Variants in DENND2B observed in about 807,000 individuals in gnomAD.
DENND2B encodes DENN domain containing 2B.
Under a neutral mutation model 116.0 loss-of-function variants are expected in DENND2B, and 32 were observed. That is an observed-to-expected ratio of 0.28 (90% confidence interval 0.21 to 0.37). DENND2B has a LOEUF of 0.37. Ranked by LOEUF, DENND2B falls within the 10% of genes least tolerant of loss-of-function variation. The pLI is 1.00. For missense variants in DENND2B, 1,276 were observed against 1,477.7 expected, an observed-to-expected ratio of 0.86 and a Z score of 2.24; for synonymous variants, 588 against 583.9, an observed-to-expected ratio of 1.01 and a Z score of -0.10.
chr11:8,800,585 T>C (rs1017818421), intron 1 of DENND2B, among the ~76,000 whole-genome samples: 1 of 152,136 alleles, frequency 6.6e-6, no homozygotes, highest in African/African-American at 2.4e-5. Flanking sequence ...AAGAGAAAAT[T>C]TGTGAAGCCT....
At chr11:8,733,464 A>G (rs1460696902) in intron 2 of DENND2B, among the ~76,000 whole-genome samples, 1 of 152,242 alleles carries the variant, frequency 6.6e-6, no homozygotes, top group Non-Finnish European at 1.5e-5. Context: ...TCTAGGTGCT[A>G]GATACAAGAA....
At position 8,707,067 on chromosome 11, in the gene DENND2B, G is replaced by A; in HGVS notation, c.2571+18C>T. The stretch of plus-strand genomic sequence containing the variant: ...CCCCAGCCCGTAGCCCGAGAGAAGA[G>A]GGTGCAGAAATCCCTACCTCATTGC... On this transcript the variant is annotated intron_variant, in intron 13 of 19. Transcript: ENST00000313726. This position sits in a 1 kb window ranked among gnomAD's most constrained non-coding sequence, Gnocchi z 4.8. The A allele has an allele frequency of 1.9e-6, 3 of 1,607,618 alleles. No individual in the cohort carries two copies. The highest frequency in any genetic ancestry group is 1.7e-4 in the Middle Eastern group (1 of 6,026).
At chr11:8,765,835 C>T (rs2055639065) in intron 1 of DENND2B, among the ~76,000 whole-genome samples, 1 of 151,952 alleles carries the variant, frequency 6.6e-6, no homozygotes, top group Admixed American at 6.6e-5. Flanking sequence ...GTCAGGAGTT[C>T]GAGACCAGCC....
rs1251956235 is a variant in DENND2B, at chr11:8,696,601, G to T, written c.3118C>A (p.His1040Asn). ...FIRFFVETVG[H>N]YSLFLTQSEK... ...CTCTGTGTCAGAAAGAGGGAGTAGT[G>T]CCCAACGGTCTCCACAAAGAACCGG... The change falls in exon 18 of 20, where the codon CAC (histidine) becomes AAC (asparagine). Residue 1040 changes from histidine (H) to asparagine (N), a missense_variant. Coordinates refer to ENST00000313726, the MANE Select transcript of DENND2B (RefSeq NM_213618.2). 6.2e-7 allele frequency: 1 copy of T among 1,614,110 alleles called. No homozygotes were observed. Among genetic ancestry groups the T allele is most frequent in the Admixed American group, 1.7e-5 (1 of 60,022 alleles).
chr11:8,805,911 G>A (rs910352756), intron 1 of DENND2B, among the ~76,000 whole-genome samples: 1 of 152,138 alleles, frequency 6.6e-6, no homozygotes, highest in Non-Finnish European at 1.5e-5. Flanking sequence ...GGGCACCAGA[G>A]ACACCTCTGA....
At chr11:8,791,952 C>G (rs1388636732) in intron 1 of DENND2B, among the ~76,000 whole-genome samples, 1 of 151,500 alleles carries the variant, frequency 6.6e-6, no homozygotes, top group African/African-American at 2.4e-5. Flanking sequence ...TGCCTGTAAT[C>G]CCAGCACTTT....
At chr11:8,882,816 T>C (rs1440975478) in intron 1 of DENND2B, among the ~76,000 whole-genome samples, 1 of 152,124 alleles carries the variant, frequency 6.6e-6, no homozygotes. Flanking sequence ...AGCAGGGCCC[T>C]GTCTCTAGAA....
intron 1 of DENND2B, among the ~76,000 whole-genome samples, chr11:8,781,122 T>G (rs184182407): frequency 1.3e-5 from 2 of 152,206 alleles, no homozygotes; most frequent in East Asian, 3.9e-4. Flanking sequence ...TCCTTAGAGT[T>G]GGAAGGATGG....
intron 1 of DENND2B, among the ~76,000 whole-genome samples, chr11:8,900,017 A>C (rs1015302513): frequency 6.6e-6 from 1 of 152,168 alleles, no homozygotes; most frequent in African/African-American, 2.4e-5. Flanking sequence ...GTGGCCAGGC[A>C]TGGTGGCTCA....
Position 8,852,311 on chromosome 11 carries a change from C to T in DENND2B, c.-156+5032G>A, listed in dbSNP as rs2063036609. 2.6e-5 allele frequency among the ~76,000 whole-genome samples: 4 copies of T among 152,156 alleles called. No individual in the cohort carries two copies. The South Asian group carries it at 8.3e-4, about 32-fold the overall frequency. The stretch of plus-strand genomic sequence containing the variant: ...CTGTCAAAGAAGAATCAATAAAGAG[C>T]TTTCGTGGTTCATTAATATGGGGAT... On this transcript the variant is annotated intron_variant, in intron 3 of 6. Transcript: ENST00000524757.
At chr11:8,725,122 T>C (rs2046862538) in intron 4 of DENND2B, among the ~76,000 whole-genome samples, 1 of 152,222 alleles carries the variant, frequency 6.6e-6, no homozygotes, top group South Asian at 2.1e-4. Flanking sequence ...TGTTAGCTTG[T>C]ACAATAGACT....
At position 8,701,344 on chromosome 11, in the gene DENND2B, C is replaced by CAGGGGG. The variant is rs1491336392; in HGVS notation, c.2720+1227_2720+1228insCCCCCT. Among the ~76,000 whole-genome samples the CAGGGGG allele has an allele frequency of 3.6e-4, 4 of 11,230 alleles. 1 individual carries two copies. The highest frequency in any genetic ancestry group is 1.8e-3 in the African/African-American group (4 of 2,254). 7.4% of individuals were successfully genotyped at this position (11,230 alleles called of 152,430 possible). On this transcript the variant is annotated intron_variant, in intron 14 of 19. Transcript: ENST00000313726. ...AGGCTAGGATGGGAAGGCCAGCTTC[C>CAGGGGG]GGGGGGGGGGGGGGGAGGGGCTACA...
chr11:8,909,276 A>G (rs575912783), intron 1 of DENND2B, among the ~76,000 whole-genome samples: 1 of 152,332 alleles, frequency 6.6e-6, no homozygotes, highest in African/African-American at 2.4e-5. Flanking sequence ...GAAGAAGAGG[A>G]TCGCTTGAGC....
chr11:8,843,405 T>G (rs1001528857), intron 3 of DENND2B, among the ~76,000 whole-genome samples: 7 of 152,144 alleles, frequency 4.6e-5, no homozygotes, highest in African/African-American at 1.7e-4. Context: ...AGCCCATTGC[T>G]ACTAAGTACA....
intron 1 of DENND2B, among the ~76,000 whole-genome samples, chr11:8,798,250 G>T (rs897440485): frequency 1.3e-5 from 2 of 152,272 alleles, no homozygotes; most frequent in African/African-American, 4.8e-5. Context: ...ACAAAACCTA[G>T]AACAGAAGGA....
At chr11:8,829,372 A>T (rs1180706850) in intron 4 of DENND2B, among the ~76,000 whole-genome samples, 1 of 152,100 alleles carries the variant, frequency 6.6e-6, no homozygotes, top group Non-Finnish European at 1.5e-5. Flanking sequence ...CACAAGGCAA[A>T]AATCATGTGG....
At chr11:8,828,917 G>T (rs529034470) in intron 4 of DENND2B, among the ~76,000 whole-genome samples, 1 of 152,152 alleles carries the variant, frequency 6.6e-6, no homozygotes, top group East Asian at 1.9e-4. Flanking sequence ...AAAGGAAGGA[G>T]GGAGGCAGGG....
At chr11:8,797,517 TCTTCCCC>T (rs1204803425) in intron 1 of DENND2B, among the ~76,000 whole-genome samples, 5 of 125,380 alleles carry the variant, frequency 4.0e-5, no homozygotes, top group African/African-American at 9.0e-5. Context: ...CCCACTTCCC[TCTTCCCC>T]CTTCCCCCTT....
intron 2 of DENND2B, among the ~76,000 whole-genome samples, chr11:8,739,437 T>C (rs746874739): frequency 3.9e-5 from 6 of 152,266 alleles, no homozygotes; most frequent in Admixed American, 6.5e-5. Flanking sequence ...ACCAGCTGTG[T>C]GGCTAAGATG....
Sources: gnomAD v4.1 joint callset for allele counts (sites outside exome capture counted in the v4.1 genomes callset) on GRCh38, gnomAD v4.1.1 for gene constraint, Gnocchi (gnomAD v3.1) non-coding constraint, MANE v1.5 for transcripts, NCBI Gene and HGNC (gene_info 2026-07-23, HGNC 2026-07-21) for gene names.